Variants in ZNF804B observed in about 807,000 individuals in gnomAD.
ZNF804B encodes zinc finger protein 804B.
In ZNF804B, 80 loss-of-function variants were observed where a neutral mutation model predicts 101.4. That is an observed-to-expected ratio of 0.79 (90% confidence interval 0.66 to 0.95). The LOEUF (loss-of-function observed/expected upper bound fraction) is 0.95. Among genes scored for constraint, ZNF804B ranks in the 40% least tolerant of loss-of-function variants. ZNF804B has a pLI of 0.00. For synonymous variants in ZNF804B, 622 were observed against 558.8 expected, an observed-to-expected ratio of 1.11 and a Z score of -1.59; for missense variants, 1,673 against 1,561.9, an observed-to-expected ratio of 1.07 and a Z score of -1.20.
intron 1 of ZNF804B, among the ~76,000 whole-genome samples, chr7:89,160,557 G>C (rs1169698936): frequency 6.6e-6 from 1 of 152,010 alleles, no homozygotes; most frequent in African/African-American, 2.4e-5. Flanking sequence ...AATAACACAG[G>C]ATCATAAAAT....
chr7:89,330,349 A>C (rs946807538), intron 3 of ZNF804B, among the ~76,000 whole-genome samples: 1 of 151,622 alleles, frequency 6.6e-6, no homozygotes, highest in African/African-American at 2.4e-5. Context: ...TTTACTTGAA[A>C]TTTGCCAAGA....
At chr7:88,951,900 A>T (rs1289615091) in intron 1 of ZNF804B, among the ~76,000 whole-genome samples, 4 of 152,022 alleles carry the variant, frequency 2.6e-5, no homozygotes, top group Non-Finnish European at 2.9e-5. Flanking sequence ...AACACTAAAA[A>T]AATTGATTTC....
chr7:88,932,493 C>G (rs74402160), intron 1 of ZNF804B, among the ~76,000 whole-genome samples: 1 of 151,612 alleles, frequency 6.6e-6, no homozygotes, highest in African/African-American at 2.4e-5. Context: ...AATTCATTGA[C>G]CATTAGTGAG....
intron 1 of ZNF804B, among the ~76,000 whole-genome samples, chr7:88,910,226 C>G (rs546082782): frequency 6.6e-6 from 1 of 151,848 alleles, no homozygotes; most frequent in South Asian, 2.1e-4. Context: ...ACACAAAATA[C>G]CAAACAAAAA....
At chr7:89,249,780 T>C (rs1789511818) in intron 2 of ZNF804B, among the ~76,000 whole-genome samples, 2 of 152,002 alleles carry the variant, frequency 1.3e-5, no homozygotes, top group African/African-American at 4.8e-5. Context: ...AAAAAATAAC[T>C]AAAATCACAC....
intron 1 of ZNF804B, among the ~76,000 whole-genome samples, chr7:88,811,065 A>C (rs1448162681): frequency 6.6e-6 from 1 of 152,108 alleles, no homozygotes; most frequent in Non-Finnish European, 1.5e-5. Flanking sequence ...AAAAAAAAAA[A>C]ACATTAAAAA....
At position 89,042,734 on chromosome 7, in the gene ZNF804B, G is replaced by A. The variant is rs543364867; in HGVS notation, c.109-175421G>A. Among the ~76,000 whole-genome samples the A allele has an allele frequency of 4.6e-5, 7 of 152,146 alleles. 2 individuals carry two copies. The highest frequency in any genetic ancestry group is 1.7e-4 in the African/African-American group (7 of 41,508). On this transcript the variant is annotated intron_variant, in intron 1 of 3. Coordinates refer to ENST00000333190, the MANE Select transcript of ZNF804B (RefSeq NM_181646.5). Reference sequence around the variant, plus strand: ...ACTCCTTGAATTCTTCATCTTATCCGAGATTCTACCAGTGAATCAGTGACA... The same window carrying A: ...ACTCCTTGAATTCTTCATCTTATCCAAGATTCTACCAGTGAATCAGTGACA...
chr7:88,803,658 T>C (rs946156860), intron 1 of ZNF804B, among the ~76,000 whole-genome samples: 1 of 152,140 alleles, frequency 6.6e-6, no homozygotes, highest in Non-Finnish European at 1.5e-5. Context: ...AGATGGAAGA[T>C]ACAGGAGGAT....
intron 1 of ZNF804B, among the ~76,000 whole-genome samples, chr7:88,950,810 G>A (rs1171360308): frequency 1.3e-5 from 2 of 151,708 alleles, no homozygotes; most frequent in South Asian, 2.1e-4. Flanking sequence ...AGCTAGATAT[G>A]GCTTACGCAT....
chr7:89,057,870 T>C (rs548582726), intron 1 of ZNF804B, among the ~76,000 whole-genome samples: 11 of 152,226 alleles, frequency 7.2e-5, no homozygotes, highest in Middle Eastern at 6.8e-3. Flanking sequence ...GGATCCTAAT[T>C]TCAAACATTA....
chr7:88,991,597 T>A (rs561196200), intron 1 of ZNF804B, among the ~76,000 whole-genome samples: 30 of 152,262 alleles, frequency 2.0e-4, no homozygotes. Flanking sequence ...AACATGAGAA[T>A]GAACAATGGC....
intron 1 of ZNF804B, among the ~76,000 whole-genome samples, chr7:88,973,258 G>A (rs1488736822): frequency 1.3e-5 from 2 of 150,706 alleles, no homozygotes; most frequent in African/African-American, 4.9e-5. Flanking sequence ...TATTGTCTCT[G>A]GGGAGAAAAC....
chr7:88,800,829 G>A (rs1790568973), intron 1 of ZNF804B, among the ~76,000 whole-genome samples: 1 of 151,796 alleles, frequency 6.6e-6, no homozygotes, highest in Non-Finnish European at 1.5e-5. Context: ...TAAAGCACTA[G>A]TCCTCAAACC....
chr7:89,248,068 A>G (rs546139213), intron 2 of ZNF804B, among the ~76,000 whole-genome samples: 2 of 152,310 alleles, frequency 1.3e-5, no homozygotes, highest in Admixed American at 1.3e-4. Context: ...AAAAAGTTTT[A>G]AAAACAATGA....
chr7:89,310,856 A>G (rs1221473030), intron 2 of ZNF804B, among the ~76,000 whole-genome samples: 1 of 152,252 alleles, frequency 6.6e-6, no homozygotes, highest in East Asian at 1.9e-4. Context: ...GGAGCTGCAC[A>G]GCAGGGAAAG....
intron 1 of ZNF804B, among the ~76,000 whole-genome samples, chr7:88,903,698 G>A (rs1792425607): frequency 6.6e-6 from 1 of 152,102 alleles, no homozygotes; most frequent in Admixed American, 6.6e-5. Flanking sequence ...GCACTTCCCT[G>A]ATGATTAGTG....
At position 89,334,131 on chromosome 7, in the gene ZNF804B, C is replaced by G; in HGVS notation, c.1149C>G (p.Cys383Trp). 1.2e-6 allele frequency: 2 copies of G among 1,613,642 alleles called. No homozygotes were observed. Among genetic ancestry groups the G allele is most frequent in the Non-Finnish European group, 1.7e-6 (2 of 1,179,816 alleles). The change falls in exon 4 of 4, where the codon TGC becomes TGG. Residue 383 changes from cysteine (C) to tryptophan (W), a missense_variant. By Grantham distance (215) the Cys-to-Trp change is radical. Coordinates refer to ENST00000333190, the MANE Select transcript of ZNF804B (RefSeq NM_181646.5). Reference protein sequence around the residue: ...YNHSDARISECLDEFSSLEPS... With the variant: ...YNHSDARISEWLDEFSSLEPS... The stretch of plus-strand genomic sequence containing the variant: ...ATAGTGATGCCAGGATATCTGAATG[C>G]CTGGATGAGTTTTCATCACTGGAGC...
intron 2 of ZNF804B, among the ~76,000 whole-genome samples, chr7:89,267,656 T>G (rs368406081): frequency 1.3e-5 from 2 of 152,280 alleles, no homozygotes. Flanking sequence ...TAATGGTTCT[T>G]AAGTTCTTGA....
intron 1 of ZNF804B, among the ~76,000 whole-genome samples, chr7:89,021,747 T>C (rs1788671486): frequency 6.6e-6 from 1 of 152,204 alleles, no homozygotes; most frequent in African/African-American, 2.4e-5. Flanking sequence ...CCATGTGGGC[T>C]TGCTGGAATG....
Sources: allele counts gnomAD v4.1 joint callset (sites outside exome capture counted in the v4.1 genomes callset), GRCh38; gene constraint gnomAD v4.1.1; transcripts MANE v1.5; gene names NCBI Gene and HGNC (gene_info 2026-07-23, HGNC 2026-07-21).